Variants in UNC5C observed in about 807,000 individuals in gnomAD.
UNC5C encodes unc-5 netrin receptor C, also known as netrin receptor UNC5C.
UNC5C carries 47 observed loss-of-function variants against 99.8 expected under a neutral mutation model. The ratio of observed to expected loss-of-function variants is 0.47; its 90% CI spans 0.37 to 0.60. UNC5C has a LOEUF of 0.60. Among genes scored for constraint, UNC5C ranks in the 20% least tolerant of loss-of-function variants. The pLI, the probability that UNC5C is intolerant of heterozygous loss-of-function variation, is 0.00. For synonymous variants in UNC5C, 487 were observed against 452.2 expected (o/e 1.08, Z -0.98); for missense variants, 1,062 against 1,165.9 (o/e 0.91, Z 1.30).
Position 95,171,209 on chromosome 4 carries a change from T to G in UNC5C, c.2452-877A>C, listed in dbSNP as rs1026441667. Among the ~76,000 whole-genome samples the G allele has an allele frequency of 3.3e-5, 5 of 151,488 alleles. No homozygotes were observed. The East Asian group carries it at 9.7e-4, about 29-fold the overall frequency. On this transcript the variant is annotated intron_variant, in intron 14 of 15. Coordinates refer to ENST00000453304, the MANE Select transcript of UNC5C (RefSeq NM_003728.4). ...CTTAATCTACTATAAATGCCATCTCTCTCTATTTTTTTTTTCTTTTTTATT... is the reference window on the plus strand; with the variant it reads ...CTTAATCTACTATAAATGCCATCTCGCTCTATTTTTTTTTTCTTTTTTATT...
intron 5 of UNC5C, among the ~76,000 whole-genome samples, chr4:95,246,284 C>A (rs114938869): frequency 6.6e-6 from 1 of 152,132 alleles, no homozygotes; most frequent in Non-Finnish European, 1.5e-5. Context: ...AGGCTGGGTG[C>A]AGTGGCTCAT....
intron 1 of UNC5C, among the ~76,000 whole-genome samples, chr4:95,384,094 A>G (rs930161356): frequency 5.9e-5 from 9 of 152,218 alleles, no homozygotes; most frequent in African/African-American, 2.2e-4. Context: ...TTACTCTAAG[A>G]TAAAGTAATA....
At chr4:95,404,919 G>T (rs944529061) in intron 1 of UNC5C, among the ~76,000 whole-genome samples, 2 of 152,162 alleles carry the variant, frequency 1.3e-5, no homozygotes, top group Admixed American at 1.3e-4. Flanking sequence ...CTGGCTGGGG[G>T]CAGTTGAAGA....
chr4:95,281,329 A>T (rs1560767849), intron 3 of UNC5C, among the ~76,000 whole-genome samples: 2 of 152,338 alleles, frequency 1.3e-5, no homozygotes, highest in East Asian at 1.9e-4. Flanking sequence ...TAGGATGAAG[A>T]TGTACAAGAC....
At chr4:95,377,799 G>A (rs1744940090) in intron 1 of UNC5C, among the ~76,000 whole-genome samples, 2 of 152,108 alleles carry the variant, frequency 1.3e-5, no homozygotes, top group Admixed American at 6.6e-5. Flanking sequence ...ATTAATAGTA[G>A]CTCAAGGTCA....
At chr4:95,210,278 G>A (rs374495203) in intron 10 of UNC5C, among the ~76,000 whole-genome samples, 2 of 152,052 alleles carry the variant, frequency 1.3e-5, no homozygotes, top group East Asian at 3.9e-4. Context: ...GTGGTGAAGT[G>A]GAATTCTTAA....
chr4:95,538,982 C>T (rs1044502566), intron 1 of UNC5C, among the ~76,000 whole-genome samples: 3 of 152,084 alleles, frequency 2.0e-5, no homozygotes, highest in Non-Finnish European at 4.4e-5. Flanking sequence ...ATGAGGGTGT[C>T]CAAGAAAATC....
At chr4:95,279,123 T>C (rs1055762558) in intron 3 of UNC5C, among the ~76,000 whole-genome samples, 1 of 152,156 alleles carries the variant, frequency 6.6e-6, no homozygotes, top group African/African-American at 2.4e-5. Context: ...ATTAATACTC[T>C]AAGTGAGTTT....
At chr4:95,392,754 G>A (rs375693366) in intron 1 of UNC5C, among the ~76,000 whole-genome samples, 1 of 152,078 alleles carries the variant, frequency 6.6e-6, no homozygotes, top group East Asian at 1.9e-4. Flanking sequence ...ACGCTTTTTC[G>A]ATAGACTATT....
intron 1 of UNC5C, among the ~76,000 whole-genome samples, chr4:95,396,630 T>A (rs74468133): frequency 0.14 from 21,774 of 151,972 alleles, 2,151 homozygotes; most frequent in African/African-American, 0.28. Context: ...TGTCTTACCC[T>A]CTCTCGACTG....
intron 1 of UNC5C, among the ~76,000 whole-genome samples, chr4:95,488,463 A>G (rs760717360): frequency 6.6e-6 from 1 of 151,822 alleles, no homozygotes; most frequent in Admixed American, 6.6e-5. Flanking sequence ...AAGATAAAAC[A>G]AAGCAGTACT....
At chr4:95,176,581 A>C (rs2149346846) in intron 14 of UNC5C, among the ~76,000 whole-genome samples, 1 of 152,086 alleles carries the variant, frequency 6.6e-6, no homozygotes, top group Non-Finnish European at 1.5e-5. Flanking sequence ...GACCCACTTG[A>C]GGAGGCAGTC....
intron 1 of UNC5C, among the ~76,000 whole-genome samples, chr4:95,415,363 A>C (rs927261877): frequency 2.6e-5 from 4 of 152,072 alleles, no homozygotes; most frequent in East Asian, 1.9e-4. Flanking sequence ...TAAAAAAAAA[A>C]CAAAACAAAA....
At chr4:95,238,968 G>T (rs1008291029) in intron 7 of UNC5C, among the ~76,000 whole-genome samples, 2 of 151,936 alleles carry the variant, frequency 1.3e-5, no homozygotes, top group Non-Finnish European at 2.9e-5. Flanking sequence ...TAAAAATATG[G>T]TTTGTCTTTT....
intron 1 of UNC5C, among the ~76,000 whole-genome samples, chr4:95,512,815 AGTTT>A (rs148217257): frequency 0.013 from 2,040 of 152,318 alleles, 12 homozygotes; most frequent in Admixed American, 0.016. Flanking sequence ...TATTTTTAAA[AGTTT>A]GTTTAATTGA....
intron 1 of UNC5C, among the ~76,000 whole-genome samples, chr4:95,493,058 C>G (rs1451376561): frequency 6.6e-6 from 1 of 151,424 alleles, no homozygotes; most frequent in Non-Finnish European, 1.5e-5. Flanking sequence ...TGTTGTAGAG[C>G]ACTCAACATA....
intron 7 of UNC5C, chr4:95,222,275 GA>G (rs769212787): frequency 1.7e-4 from 235 of 1,354,332 alleles, no homozygotes; most frequent in Admixed American, 5.7e-4. Context: ...ACCTTGAAAA[GA>G]AAAAAAAATG....
At chr4:95,253,229 A>C (rs1050242731) in intron 4 of UNC5C, among the ~76,000 whole-genome samples, 1 of 152,126 alleles carries the variant, frequency 6.6e-6, no homozygotes, top group Non-Finnish European at 1.5e-5. Flanking sequence ...ATAGCTATTC[A>C]AAACTACGGT....
At chr4:95,463,164 T>C (rs1440615920) in intron 1 of UNC5C, among the ~76,000 whole-genome samples, 1 of 152,078 alleles carries the variant, frequency 6.6e-6, no homozygotes, top group Non-Finnish European at 1.5e-5. Flanking sequence ...GGCTGATGAA[T>C]ATGGCCAGTG....
Sources: gnomAD v4.1 joint callset for allele counts (sites outside exome capture counted in the v4.1 genomes callset) on GRCh38, gnomAD v4.1.1 for gene constraint, MANE v1.5 for transcripts, NCBI Gene and HGNC (gene_info 2026-07-23, HGNC 2026-07-21) for gene names.